Variants in EPHB4 observed in about 807,000 individuals in gnomAD.
The protein encoded by EPHB4 is EPH receptor B4, also known as ephrin type-B receptor 4.
EPHB4 carries 50 observed loss-of-function variants against 110.6 expected under a neutral mutation model. That is an observed-to-expected ratio of 0.45 (90% CI 0.36 to 0.57). The LOEUF (loss-of-function observed/expected upper bound fraction) is 0.57, where lower values mean the gene tolerates loss of function less well. Among genes scored for constraint, EPHB4 ranks in the 20% least tolerant of loss-of-function variants. The pLI is 0.00. For missense variants in EPHB4, 1,128 were observed against 1,382.1 expected (o/e 0.82, Z 2.91); for synonymous variants, 592 against 578.4 (o/e 1.02, Z -0.34).
chr7:100,819,149 G>C (rs1042599337), intron 6 of EPHB4, among the ~76,000 whole-genome samples: 2 of 151,128 alleles, frequency 1.3e-5, no homozygotes, highest in African/African-American at 2.4e-5. Context: ...ACACTGCTCT[G>C]TCACCCAGGC....
In EPHB4 at chr7:100,814,592, G is replaced by A. The variant is rs77703501; in HGVS notation, c.1589-571C>T. On this transcript the variant is annotated intron_variant, in intron 8 of 16. Coordinates refer to ENST00000358173, the MANE Select transcript of EPHB4 (RefSeq NM_004444.5). The stretch of plus-strand genomic sequence containing the variant: ...CAAAAAAATCTCCATTCAATGAAAC[G>A]TTCTAAAGGTGAAACATTTTCAGGT... Among the ~76,000 whole-genome samples the A allele has an allele frequency of 4.4e-3, 674 of 152,226 alleles. 8 individuals are homozygous for A. Among genetic ancestry groups the A allele is most frequent in the East Asian group, 0.042 (216 of 5,186 alleles).
rs762749894 is a variant in EPHB4 at position 100,813,658 on chromosome 7, C to T, written c.1750G>A (p.Gly584Arg). The change falls in exon 10 of 17, where the codon GGA (glycine) becomes AGA (arginine). Residue 584 changes from glycine (G) to arginine (R), a missense_variant. By Grantham distance (125) the Gly-to-Arg change is moderately radical. This residue lies in a region of EPHB4 where 728 missense variants were observed against 828.6 expected (regional missense o/e 0.88). Coordinates refer to ENST00000358173, the MANE Select transcript of EPHB4 (RefSeq NM_004444.5). ...YSDKHGQYLI[G>R]HGTKVYIDPF... is the part of the protein sequence containing the mutation. ...TCAAATTAGGGCAACCCACCATGTC[C>T]GATGAGATACTGTCCGTGTTTGTCC... 18 of 1,613,928 alleles carry T rather than the reference C, an allele frequency of 1.1e-5. No individual in the cohort carries two copies. The highest frequency in any genetic ancestry group is 1.1e-5 in the South Asian group (1 of 91,088).
In EPHB4 at chr7:100,817,357, C is replaced by T; in HGVS notation, c.1423G>A (p.Gly475Ser). 1 of 1,563,878 alleles carries T rather than the reference C, an allele frequency of 6.4e-7. No homozygotes were observed. Among genetic ancestry groups the T allele is most frequent in the Non-Finnish European group, 8.6e-7 (1 of 1,156,918 alleles). The change falls in exon 8 of 17, where the codon GGC becomes AGC. Residue 475 changes from glycine to serine, a missense_variant and splice_region_variant. Coordinates refer to ENST00000358173, the MANE Select transcript of EPHB4 (RefSeq NM_004444.5). Reference sequence around the variant, plus strand: ...CGCACGCTGCTGGGACCCTCGGCGCCCTGTCCGGGAGAGGTAGTGGGGTGG... The same window carrying T: ...CGCACGCTGCTGGGACCCTCGGCGCTCTGTCCGGGAGAGGTAGTGGGGTGG... ...LDYEVKYHEKGAEGPSSVRFL... is the reference protein window; with the variant it reads ...LDYEVKYHEKSAEGPSSVRFL...
At chr7:100,811,563 A>C (rs1812934235) in intron 12 of EPHB4, among the ~76,000 whole-genome samples, 1 of 151,890 alleles carries the variant, frequency 6.6e-6, no homozygotes, top group Non-Finnish European at 1.5e-5. Flanking sequence ...CACTCAGTAA[A>C]TATTTGTCAA....
At position 100,822,361 on chromosome 7, in the gene EPHB4, G is replaced by A. The variant is rs750317976; in HGVS notation, c.718C>T (p.Arg240Cys). 6.4e-6 allele frequency: 10 copies of A among 1,571,920 alleles called. No individual in the cohort carries two copies. Among genetic ancestry groups the A allele is most frequent in the Non-Finnish European group, 8.6e-6 (10 of 1,157,868 alleles). ...APGPSPSLYC[R>C]EDGQWAEQPV... ...TGTTCGGCCCACTGGCCATCCTCACGGCAGTAGAGGCTGGGGCTGGGGCCA... is the reference window on the plus strand; with the variant it reads ...TGTTCGGCCCACTGGCCATCCTCACAGCAGTAGAGGCTGGGGCTGGGGCCA... The change falls in exon 4 of 17, where the codon CGT becomes TGT. Residue 240 changes from arginine (R) to cysteine (C), a missense_variant. This residue lies in a region of EPHB4 where 728 missense variants were observed against 828.6 expected (regional missense o/e 0.88). Transcript: ENST00000358173. The surrounding 1 kb of genome is among the most constrained non-coding windows in gnomAD (Gnocchi z 4.7).
intron 13 of EPHB4, among the ~76,000 whole-genome samples, chr7:100,806,890 G>A (rs374122013): frequency 2.1e-3 from 314 of 152,098 alleles, no homozygotes; most frequent in African/African-American, 7.1e-3. Flanking sequence ...GGCTGGTCTC[G>A]AACTCCTGAC....
At chr7:100,818,673 T>C in intron 6 of EPHB4, 29 bp from the exon 7 acceptor site, 1 of 1,598,390 alleles carries the variant, frequency 6.3e-7, no homozygotes, top group Non-Finnish European at 8.5e-7. Context: ...CAGGGAACCC[T>C]TGTGCATGGT....
intron 6 of EPHB4, among the ~76,000 whole-genome samples, chr7:100,819,090 G>A (rs1324131548): frequency 4.6e-5 from 7 of 151,660 alleles, no homozygotes; most frequent in Admixed American, 1.3e-4. Flanking sequence ...CCAGCTTTAC[G>A]AGCTCCTCAC....
At chr7:100,826,054 T>C (rs1813382327) in intron 1 of EPHB4, among the ~76,000 whole-genome samples, 1 of 152,116 alleles carries the variant, frequency 6.6e-6, no homozygotes, top group African/African-American at 2.4e-5. Context: ...GAGTCCCTCA[T>C]AGCCTACCGC....
intron 12 of EPHB4, among the ~76,000 whole-genome samples, chr7:100,811,946 C>T (rs1812944809): frequency 2.0e-5 from 3 of 150,526 alleles, no homozygotes; most frequent in East Asian, 4.0e-4. Context: ...CCGAGGCAGG[C>T]GGATCACCTG....
intron 16 of EPHB4, 36 bp downstream of exon 16, chr7:100,805,130 T>C (rs1406646056): frequency 6.2e-7 from 1 of 1,601,130 alleles, no homozygotes; most frequent in South Asian, 1.1e-5. Flanking sequence ...GCTGCCCCGC[T>C]CTCCCAGCCC....
intron 16 of EPHB4, 118 bp from the exon 17 acceptor site, chr7:100,803,708 G>T: frequency 7.7e-7 from 1 of 1,303,344 alleles, no homozygotes; most frequent in Non-Finnish European, 1.0e-6. Context: ...AGCCAGCGGG[G>T]GAGGGAGAAC....
chr7:100,808,323 A>G (rs192532752), intron 12 of EPHB4, among the ~76,000 whole-genome samples: 12 of 152,148 alleles, frequency 7.9e-5, no homozygotes, highest in African/African-American at 2.7e-4. Flanking sequence ...GGCTCAAATG[A>G]TCCTTCTGCC....
intron 8 of EPHB4, among the ~76,000 whole-genome samples, chr7:100,815,803 A>G (rs1434682439): frequency 6.6e-6 from 1 of 152,176 alleles, no homozygotes; most frequent in Non-Finnish European, 1.5e-5. Flanking sequence ...CCTGGGCAAC[A>G]TAGGGAAACT....
At chr7:100,807,312 C>G (rs1028799967) in intron 13 of EPHB4, 53 bp downstream of exon 13, 3 of 1,586,092 alleles carry the variant, frequency 1.9e-6, no homozygotes, top group Non-Finnish European at 2.6e-6. Context: ...TTCCAACCTG[C>G]CCTGCCCACC....
chr7:100,805,495 C>A lies in EPHB4; in HGVS notation c.2678+6G>T. On this transcript the variant is annotated splice_donor_region_variant and intron_variant, in intron 15 of 16. Transcript: ENST00000358173. ...GGAAGGAGGGCCCATTCTCTGCAGT[C>A]CTCACCCGCCATTCTCCCGGGCCAC... 1 of 1,524,156 alleles carries A rather than the reference C, an allele frequency of 6.6e-7. No individual in the cohort carries two copies. Among genetic ancestry groups the A allele is most frequent in the Non-Finnish European group, 8.8e-7 (1 of 1,135,662 alleles). The allele number at this position is 1,524,156 out of a possible 1,614,324, so 94.4% of individuals were successfully genotyped here.
rs138574211 is a variant in EPHB4, at chr7:100,806,444, C to T, written c.2460G>A (p.Pro820=). The change falls in exon 14 of 17, where the codon CCG becomes CCA. Residue 820 remains proline, a synonymous_variant. Coordinates refer to ENST00000358173, the MANE Select transcript of EPHB4 (RefSeq NM_004444.5). ...CGTCCTGATTGCTCATGTCCCAGTACGGCCTCTCCCCAAATGACATCACCT... is the reference window on the plus strand; with the variant it reads ...CGTCCTGATTGCTCATGTCCCAGTATGGCCTCTCCCCAAATGACATCACCT... ...MWEVMSFGER[P]YWDMSNQDVI... 58 of 1,613,788 alleles carry T rather than the reference C, an allele frequency of 3.6e-5. No homozygotes were observed. The highest frequency in any genetic ancestry group is 4.4e-5 in the Non-Finnish European group (52 of 1,179,904).
chr7:100,805,453 A>G, intron 15 of EPHB4, 48 bp downstream of exon 15: 1 of 1,538,322 alleles, frequency 6.5e-7, no homozygotes, highest in East Asian at 2.3e-5. Context: ...CTGGGCAAGG[A>G]GTGGGGGCAG....
At chr7:100,804,534 C>T (rs543296801) in intron 16 of EPHB4, among the ~76,000 whole-genome samples, 40 of 152,108 alleles carry the variant, frequency 2.6e-4, no homozygotes, top group Middle Eastern at 6.8e-3. Flanking sequence ...ACAATGGTCT[C>T]GAACTCCTAA....
Sources: gnomAD v4.1 joint callset for allele counts (sites outside exome capture counted in the v4.1 genomes callset) on GRCh38, gnomAD v4.1.1 for gene constraint, gnomAD v4.1.1 regional missense constraint, Gnocchi (gnomAD v3.1) non-coding constraint, MANE v1.5 for transcripts, NCBI Gene and HGNC (gene_info 2026-07-23, HGNC 2026-07-21) for gene names.